IARS1: variants seen among roughly 807,000 people sequenced by gnomAD.
The protein encoded by IARS1 is isoleucine--tRNA ligase, cytoplasmic.
In IARS1, 124 loss-of-function variants were observed where a neutral mutation model predicts 168.2. That is an observed-to-expected ratio of 0.74 (90% CI 0.64 to 0.86). IARS1 has a LOEUF of 0.86. Ranked by LOEUF, IARS1 falls within the 40% of genes least tolerant of loss-of-function variation. The probability of loss-of-function intolerance (pLI) is 0.00; values close to 1 mark genes in which losing one functional copy is unlikely to be tolerated. For synonymous variants in IARS1, 532 were observed against 529.4 expected, an observed-to-expected ratio of 1.00 and a Z score of -0.07; for missense variants, 1,452 against 1,515.8, an observed-to-expected ratio of 0.96 and a Z score of 0.70.
chr9:92,226,798 G>A (rs2133443027), intron 31 of IARS1, among the ~76,000 whole-genome samples: 1 of 151,170 alleles, frequency 6.6e-6, no homozygotes, highest in East Asian at 1.9e-4. Context: ...GTCTTCACAT[G>A]GCCACCTTCT....
At chr9:92,279,090 A>G (rs1834155692) in intron 7 of IARS1, among the ~76,000 whole-genome samples, 4 of 152,192 alleles carry the variant, frequency 2.6e-5, no homozygotes, top group African/African-American at 9.7e-5. Flanking sequence ...ATAAGCTATG[A>G]TATTACACAT....
chr9:92,247,770 T>A (rs943928175), intron 25 of IARS1, among the ~76,000 whole-genome samples: 3 of 152,210 alleles, frequency 2.0e-5, no homozygotes, highest in African/African-American at 7.2e-5. Flanking sequence ...CAACATAAAT[T>A]AATGTGAAAC....
intron 30 of IARS1, among the ~76,000 whole-genome samples, chr9:92,231,507 G>A (rs906453951): frequency 9.3e-5 from 14 of 149,956 alleles, no homozygotes; most frequent in African/African-American, 1.5e-4. Context: ...TCCACTTCCC[G>A]GGTTCAAGTG....
At chr9:92,236,298 A>G (rs1827516952) in intron 30 of IARS1, among the ~76,000 whole-genome samples, 1 of 152,108 alleles carries the variant, frequency 6.6e-6, no homozygotes, top group South Asian at 2.1e-4. Context: ...TTTTTTGTTA[A>G]TACTGTCTTT....
At chr9:92,243,518 C>T in intron 27 of IARS1, 2 of 450,848 alleles carry the variant, frequency 4.4e-6, no homozygotes, top group Non-Finnish European at 8.1e-6. Flanking sequence ...GAAAGGTGTG[C>T]AGGTTTTTGT....
intron 6 of IARS1, among the ~76,000 whole-genome samples, chr9:92,281,256 C>G (rs576377716): frequency 6.6e-6 from 1 of 151,728 alleles, no homozygotes; most frequent in African/African-American, 2.4e-5. Context: ...GCCTCAGCCT[C>G]CCGAGTAGCT....
At chr9:92,274,041 T>C (rs58391046) in intron 10 of IARS1, among the ~76,000 whole-genome samples, 42,933 of 152,150 alleles carry the variant, frequency 0.28, 7,888 homozygotes, top group African/African-American at 0.51. Flanking sequence ...AAAATTATTC[T>C]AGTCAAAATA....
At chr9:92,251,695 T>A (rs1456342307) in intron 22 of IARS1, 113 bp downstream of exon 22, 2 of 717,246 alleles carry the variant, frequency 2.8e-6, no homozygotes, top group Admixed American at 2.5e-5. Context: ...AACTTCTATA[T>A]CTATTTTTGG....
chr9:92,277,161 T>C (rs1564184846), intron 9 of IARS1, among the ~76,000 whole-genome samples: 1 of 152,128 alleles, frequency 6.6e-6, no homozygotes, highest in Non-Finnish European at 1.5e-5. Flanking sequence ...TGATTCCTCA[T>C]ACAATTTGAG....
chr9:92,266,924 T>C lies in IARS1; in HGVS notation c.1431+1250A>G, dbSNP rs1006458008. Among the ~76,000 whole-genome samples the C allele has an allele frequency of 5.9e-5, 9 of 152,354 alleles. No individual in the cohort carries two copies. The East Asian group carries it at 1.7e-3, about 29-fold the overall frequency. ...TTATCCAGCCTCAGGTATTCCTTTG[T>C]AGCTACACTAAACAGACTAAAACAG... On this transcript the variant is annotated intron_variant, in intron 14 of 33. Transcript: ENST00000443024.
intron 7 of IARS1, among the ~76,000 whole-genome samples, chr9:92,279,251 G>T (rs998488932): frequency 6.6e-6 from 1 of 152,210 alleles, no homozygotes; most frequent in South Asian, 2.1e-4. Flanking sequence ...GAACTTCATT[G>T]TAAGTGGGGA....
intron 5 of IARS1, 67 bp downstream of exon 5, chr9:92,286,469 C>A (rs777320198): frequency 2.5e-6 from 2 of 799,342 alleles, no homozygotes; most frequent in Non-Finnish European, 4.2e-6. Context: ...CATGCTAGTG[C>A]ATTTTTCCAA....
intron 23 of IARS1, among the ~76,000 whole-genome samples, 158 bp downstream of exon 23, chr9:92,250,555 A>C (rs1461658613): frequency 6.6e-6 from 1 of 152,176 alleles, no homozygotes; most frequent in Non-Finnish European, 1.5e-5. Flanking sequence ...CGTGTACCAA[A>C]GTGGGCCCCA....
intron 26 of IARS1, 24 bp from the exon 27 acceptor site, chr9:92,245,095 T>TAA: frequency 2.5e-6 from 4 of 1,585,138 alleles, no homozygotes; most frequent in Non-Finnish European, 3.5e-6. Context: ...GCTACACTGT[T>TAA]AATCAGCTTC....
intron 17 of IARS1, among the ~76,000 whole-genome samples, chr9:92,261,561 G>A (rs1363252981): frequency 3.9e-5 from 6 of 152,122 alleles, no homozygotes; most frequent in Non-Finnish European, 5.9e-5. Flanking sequence ...AGGTAAATGC[G>A]TATAAGCAAA....
chr9:92,273,535 G>T (rs1371682956), intron 10 of IARS1, among the ~76,000 whole-genome samples: 1 of 152,116 alleles, frequency 6.6e-6, no homozygotes, highest in Non-Finnish European at 1.5e-5. Context: ...AATGCAGCTG[G>T]ATGATGTGAA....
In IARS1 at chr9:92,260,159, A is replaced by T; in HGVS notation, c.1863T>A (p.Asp621Glu). ...PVSIIQKYGADALRLYLINSP... is the reference protein window; with the variant it reads ...PVSIIQKYGAEALRLYLINSP... ...AAAGCACTGGTTTGTACCTGAGGGC[A>T]TCAGCACCATACTTCTGGATGATGG... The change falls in exon 18 of 34, where the codon GAT becomes GAA. Residue 621 changes from aspartate (D) to glutamate (E), a missense_variant. Physicochemically the swap from Asp to Glu is conservative, Grantham distance 45. Coordinates refer to ENST00000443024, the MANE Select transcript of IARS1 (RefSeq NM_002161.6). 1.2e-6 allele frequency: 2 copies of T among 1,611,798 alleles called. No homozygotes were observed. The highest frequency in any genetic ancestry group is 1.7e-6 in the Non-Finnish European group (2 of 1,177,816).
At chr9:92,222,332 CTCAG>C (rs1441780574) in intron 33 of IARS1, among the ~76,000 whole-genome samples, 184 bp downstream of exon 33, 1 of 83,864 alleles carries the variant, frequency 1.2e-5, no homozygotes, top group Non-Finnish European at 2.0e-5. Context: ...CAAAGTGAGA[CTCAG>C]TCTCAAAAAA....
intron 10 of IARS1, among the ~76,000 whole-genome samples, chr9:92,272,579 G>A (rs1168623094): frequency 1.3e-5 from 2 of 152,242 alleles, no homozygotes; most frequent in Non-Finnish European, 2.9e-5. Flanking sequence ...GCCGGGTGCA[G>A]TGGCTCACGC....
Sources: gnomAD v4.1 joint callset for allele counts (sites outside exome capture counted in the v4.1 genomes callset) on GRCh38, gnomAD v4.1.1 for gene constraint, MANE v1.5 for transcripts, NCBI Gene and HGNC (gene_info 2026-07-23, HGNC 2026-07-21) for gene names.